ARID1A: variants seen among roughly 807,000 people sequenced by gnomAD.
The protein encoded by ARID1A is AT-rich interaction domain 1A.
ARID1A carries 20 observed loss-of-function variants against 212.6 expected under a neutral mutation model. That is an observed-to-expected ratio of 0.09 (90% CI 0.07 to 0.14). ARID1A has a LOEUF of 0.14. ARID1A is among the 10% of genes least tolerant of loss of function. The probability of loss-of-function intolerance (pLI) is 1.00; values close to 1 mark genes in which losing one functional copy is unlikely to be tolerated. For synonymous variants in ARID1A, 1,376 were observed against 1,222.1 expected, an observed-to-expected ratio of 1.13 and a Z score of -2.63; for missense variants, 2,587 against 3,059.0, an observed-to-expected ratio of 0.85 and a Z score of 3.64.
intron 4 of ARID1A, among the ~76,000 whole-genome samples, chr1:26,745,508 TAGAGAA>T (rs1265052366): frequency 6.6e-6 from 1 of 152,120 alleles, no homozygotes; most frequent in African/African-American, 2.4e-5. Context: ...CCTCTACAAT[TAGAGAA>T]AGAATAGAAT....
chr1:26,731,420 C>T lies in ARID1A; in HGVS notation c.1619C>T (p.Thr540Met), dbSNP rs892173376. Reference sequence around the variant, plus strand: ...GCTCCATACCCCTCCCAGCAGTCGACGACACAGCAGCACCCCCAGAGCCAG... The same window carrying T: ...GCTCCATACCCCTCCCAGCAGTCGATGACACAGCAGCACCCCCAGAGCCAG... The part of the protein sequence containing the change: ...SPAPYPSQQS[T>M]TQQHPQSQPP... Residue 540 changes from threonine (T) to methionine (M), a missense_variant, in exon 3 of 20, where the codon ACG becomes ATG. Thr to Met is a moderately conservative substitution (Grantham distance 81). Transcript: ENST00000324856. 13 of 1,613,808 alleles carry T rather than the reference C, an allele frequency of 8.1e-6. No homozygotes were observed. Among genetic ancestry groups the T allele is most frequent in the African/African-American group, 8.0e-5 (6 of 74,818 alleles).
intron 11 of ARID1A, among the ~76,000 whole-genome samples, chr1:26,768,574 A>C (rs914540785): frequency 1.3e-5 from 2 of 152,224 alleles, no homozygotes; most frequent in Admixed American, 6.5e-5. Flanking sequence ...GAAGCTTCCC[A>C]GTAGAGATAG....
At chr1:26,745,657 C>G (rs911843310) in intron 4 of ARID1A, among the ~76,000 whole-genome samples, 10 of 152,114 alleles carry the variant, frequency 6.6e-5, no homozygotes, top group African/African-American at 2.4e-4. Context: ...CAGGGTCATT[C>G]AGTAAATGAG....
Position 26,780,347 on chromosome 1 carries a change from C to G in ARID1A, c.6449C>G (p.Thr2150Ser), listed in dbSNP as rs146955423. Residue 2150 changes from threonine (T) to serine (S), a missense_variant, in exon 20 of 20, where the codon ACT becomes AGT. Coordinates refer to ENST00000324856, the MANE Select transcript of ARID1A (RefSeq NM_006015.6). The surrounding 1 kb of genome is among the most constrained non-coding windows in gnomAD (Gnocchi z 7.2). Reference sequence around the variant, plus strand: ...AGCCGCCTGGAGAAGTTGTATAGCACTATGGTGCGCTTCCTCAGTGACCGA... The same window carrying G: ...AGCCGCCTGGAGAAGTTGTATAGCAGTATGGTGCGCTTCCTCAGTGACCGA... ...PFSRLEKLYSTMVRFLSDRKN... is the reference protein window; with the variant it reads ...PFSRLEKLYSSMVRFLSDRKN... 25 of 1,614,134 alleles carry G rather than the reference C, an allele frequency of 1.5e-5. No homozygotes were observed. Among genetic ancestry groups the G allele is most frequent in the Non-Finnish European group, 2.0e-5 (24 of 1,180,048 alleles).
At chr1:26,697,912 G>A (rs940417785) in intron 1 of ARID1A, among the ~76,000 whole-genome samples, 1 of 152,038 alleles carries the variant, frequency 6.6e-6, no homozygotes, top group African/African-American at 2.4e-5. Context: ...AGGAGCCCAG[G>A]AGTTGAATGA....
intron 1 of ARID1A, among the ~76,000 whole-genome samples, chr1:26,704,385 CCTTT>C (rs1286740531): frequency 6.6e-6 from 1 of 152,058 alleles, no homozygotes; most frequent in Non-Finnish European, 1.5e-5. Context: ...AGTTAGTTGA[CCTTT>C]CTTAAAACAA....
At chr1:26,778,848 G>A in intron 19 of ARID1A, 175 bp from the exon 20 acceptor site, 1 of 571,130 alleles carries the variant, frequency 1.8e-6, no homozygotes, top group Admixed American at 2.9e-5. Flanking sequence ...AGAACTTTGT[G>A]TTGGGCATAG....
At chr1:26,713,972 G>T (rs951293710) in intron 1 of ARID1A, among the ~76,000 whole-genome samples, 1 of 152,198 alleles carries the variant, frequency 6.6e-6, no homozygotes, top group Non-Finnish European at 1.5e-5. Flanking sequence ...GGTATTTTGG[G>T]TTAAAATGAA....
In ARID1A at chr1:26,731,435, C is replaced by T. The variant is rs775882868; in HGVS notation, c.1634C>T (p.Pro545Leu). Reference protein sequence around the residue: ...PSQQSTTQQHPQSQPPYSQPQ... With the variant: ...PSQQSTTQQHLQSQPPYSQPQ... Reference sequence around the variant, plus strand: ...CAGCAGTCGACGACACAGCAGCACCCCCAGAGCCAGCCCCCCTACTCACAG... The same window carrying T: ...CAGCAGTCGACGACACAGCAGCACCTCCAGAGCCAGCCCCCCTACTCACAG... Residue 545 changes from proline (P) to leucine (L), a missense_variant, in exon 3 of 20, where the codon CCC becomes CTC. Pro to Leu is a moderately conservative substitution (Grantham distance 98). Transcript: ENST00000324856. The T allele has an allele frequency of 6.2e-7, 1 of 1,613,938 alleles. No homozygotes were observed. The highest frequency in any genetic ancestry group is 1.1e-5 in the South Asian group (1 of 91,062).
At chr1:26,704,586 G>A (rs559036716) in intron 1 of ARID1A, among the ~76,000 whole-genome samples, 28 of 152,194 alleles carry the variant, frequency 1.8e-4, no homozygotes, top group African/African-American at 5.8e-4. Context: ...GGCCGGGCGC[G>A]GTAGCTCACA....
chr1:26,746,051 C>CA (rs1413810181), intron 4 of ARID1A, among the ~76,000 whole-genome samples: 1 of 151,796 alleles, frequency 6.6e-6, no homozygotes, highest in South Asian at 2.1e-4. Flanking sequence ...AACTCTGTCT[C>CA]AAAAAAATAG....
At chr1:26,772,271 C>T (rs137920022) in intron 12 of ARID1A, 7 of 583,084 alleles carry the variant, frequency 1.2e-5, no homozygotes, top group Admixed American at 3.0e-5. Flanking sequence ...GATGTCATGG[C>T]CACATCACTC....
chr1:26,778,688 C>G (rs2081159974), intron 19 of ARID1A: 1 of 206,806 alleles, frequency 4.8e-6, no homozygotes, highest in Non-Finnish European at 9.6e-6. Context: ...CAATGACCAC[C>G]AGGTTGAAAA....
chr1:26,708,356 C>T (rs1258500744), intron 1 of ARID1A, among the ~76,000 whole-genome samples: 2 of 128,036 alleles, frequency 1.6e-5, no homozygotes, highest in African/African-American at 3.0e-5. Flanking sequence ...GTGATCTCGG[C>T]TCACTGTAAC....
At chr1:26,737,422 T>G (rs1226106447) in intron 4 of ARID1A, among the ~76,000 whole-genome samples, 3 of 152,164 alleles carry the variant, frequency 2.0e-5, no homozygotes, top group Admixed American at 1.3e-4. Context: ...CTGGCCTGAC[T>G]CTACTTACTT....
chr1:26,697,036 G>C lies in ARID1A; in HGVS notation c.633G>C (p.Gln211His), dbSNP rs1223771800. ...NSHDHGFPNHQYNSYYPNRSA... is the reference protein window; with the variant it reads ...NSHDHGFPNHHYNSYYPNRSA... ...ACGACCACGGCTTCCCCAACCACCA[G>C]TACAACTCCTACTACCCCAACCGCA... The change falls in exon 1 of 20, where the codon CAG (glutamine) becomes CAC (histidine). Residue 211 changes from glutamine to histidine, a missense_variant. Coordinates refer to ENST00000324856, the MANE Select transcript of ARID1A (RefSeq NM_006015.6). 6.5e-7 allele frequency: 1 copy of C among 1,540,734 alleles called. No homozygotes were observed.
rs587779737 is a variant in ARID1A at position 26,696,516 on chromosome 1, A to AGGCGGCGGCGGC, written c.117_128dup (p.Ala42_Ala45dup). 3.9e-5 allele frequency: 48 copies of AGGCGGCGGCGGC among 1,224,690 alleles called. No individual in the cohort carries two copies. The Admixed American group carries it at 4.8e-4, about 12-fold the overall frequency. 75.9% of individuals were successfully genotyped at this position (1,224,690 alleles called of 1,614,324 possible). ...CAGCAGCGGGAGGAGGCGGGGGGCGAGGCGGCGGCGGCGGCAGCGGCCGAG... is the reference window on the plus strand; with the variant it reads ...CAGCAGCGGGAGGAGGCGGGGGGCGAGGCGGCGGCGGCGGCGGCGGCGGCGGCAGCGGCCGAG... On this transcript the variant is annotated inframe_insertion, in exon 1 of 20. Transcript: ENST00000324856.
rs766329397 is a variant in ARID1A, at chr1:26,773,557, T to A, written c.3867-23T>A. The A allele has an allele frequency of 1.9e-6, 3 of 1,614,078 alleles. No individual in the cohort carries two copies. The Admixed American group carries it at 5.0e-5, about 27-fold the overall frequency. On this transcript the variant is annotated intron_variant, in intron 15 of 19. Coordinates refer to ENST00000324856, the MANE Select transcript of ARID1A (RefSeq NM_006015.6). ...CACCCTGAAGCTATAGTGGGCTCAATCTGCCTCTCCAATTTTGTTTAGGAC... is the reference window on the plus strand; with the variant it reads ...CACCCTGAAGCTATAGTGGGCTCAAACTGCCTCTCCAATTTTGTTTAGGAC...
At chr1:26,754,536 A>G (rs924631078) in intron 4 of ARID1A, among the ~76,000 whole-genome samples, 1 of 152,140 alleles carries the variant, frequency 6.6e-6, no homozygotes, top group Middle Eastern at 3.2e-3. Context: ...TCATAGACTT[A>G]GATTTATCCA....
Sources: gnomAD v4.1 joint callset for allele counts (sites outside exome capture counted in the v4.1 genomes callset) on GRCh38, gnomAD v4.1.1 for gene constraint, Gnocchi (gnomAD v3.1) non-coding constraint, MANE v1.5 for transcripts, NCBI Gene and HGNC (gene_info 2026-07-23, HGNC 2026-07-21) for gene names.